Variants in TAFA1 observed in about 807,000 individuals in gnomAD.
TAFA1 encodes chemokine-like protein TAFA-1.
TAFA1 carries 4 observed loss-of-function variants against 18.5 expected under a neutral mutation model. The ratio of observed to expected loss-of-function variants is 0.22; its 90% CI spans 0.11 to 0.49. The LOEUF is 0.49. Ranked by LOEUF, TAFA1 falls within the 20% of genes least tolerant of loss-of-function variation. The probability of loss-of-function intolerance (pLI) is 0.98; values close to 1 mark genes in which losing one functional copy is unlikely to be tolerated. For synonymous variants in TAFA1, 56 were observed against 55.2 expected (o/e 1.01, Z -0.06); for missense variants, 147 against 169.0 (o/e 0.87, Z 0.72).
chr3:68,360,951 C>T (rs754824424), intron 2 of TAFA1, among the ~76,000 whole-genome samples: 49 of 151,914 alleles, frequency 3.2e-4, no homozygotes, highest in Non-Finnish European at 5.9e-4. Flanking sequence ...GTTATGATTT[C>T]GGTCTTCTGT....
intron 3 of TAFA1, among the ~76,000 whole-genome samples, chr3:68,430,537 G>A (rs2071150012): frequency 6.6e-6 from 1 of 151,930 alleles, no homozygotes; most frequent in Non-Finnish European, 1.5e-5. Context: ...GTGGGAAATT[G>A]CGTAAATTAG....
chr3:68,008,968 A>G lies in TAFA1; in HGVS notation c.118+2224A>G, dbSNP rs529247650. On this transcript the variant is annotated intron_variant, in intron 2 of 4. Coordinates refer to ENST00000478136, the MANE Select transcript of TAFA1 (RefSeq NM_213609.4). ...GTAAATATAATAAAAATAACTTCGA[A>G]TAAGTCTTTTGTAAGCTGTAAAGTT... 2.0e-5 allele frequency among the ~76,000 whole-genome samples: 3 copies of G among 152,278 alleles called. No homozygotes were observed. In the South Asian group the frequency reaches 6.2e-4, roughly 32 times the overall value.
chr3:68,054,078 T>A (rs146386490), intron 2 of TAFA1, among the ~76,000 whole-genome samples: 1 of 152,068 alleles, frequency 6.6e-6, no homozygotes, highest in African/African-American at 2.4e-5. Context: ...CCTTCACAGA[T>A]ATGAAGTTTT....
intron 2 of TAFA1, among the ~76,000 whole-genome samples, chr3:68,228,476 G>A (rs555631401): frequency 7.0e-4 from 107 of 152,202 alleles, no homozygotes; most frequent in Non-Finnish European, 1.2e-3. Context: ...AAATATTTCC[G>A]CAGAAAATAC....
At chr3:68,358,548 G>T (rs2069408212) in intron 2 of TAFA1, among the ~76,000 whole-genome samples, 1 of 151,812 alleles carries the variant, frequency 6.6e-6, no homozygotes, top group Admixed American at 6.6e-5. Context: ...CTTTTTAAAT[G>T]GTTACATATT....
intron 3 of TAFA1, among the ~76,000 whole-genome samples, chr3:68,531,499 C>T (rs115109848): frequency 5.3e-5 from 8 of 151,982 alleles, no homozygotes; most frequent in Non-Finnish European, 7.4e-5. Flanking sequence ...CTTCCTTTAG[C>T]GGGGCTGTCC....
At chr3:68,347,349 AG>A in intron 2 of TAFA1, among the ~76,000 whole-genome samples, 1 of 152,312 alleles carries the variant, frequency 6.6e-6, no homozygotes, top group African/African-American at 2.4e-5. Context: ...GGTATTCTCC[AG>A]GGCAAAGGCA....
At chr3:68,519,821 A>C (rs191700319) in intron 3 of TAFA1, among the ~76,000 whole-genome samples, 7 of 152,256 alleles carry the variant, frequency 4.6e-5, no homozygotes, top group Admixed American at 1.3e-4. Context: ...TTACCTCCCA[A>C]ACACCCTATC....
chr3:68,292,424 C>CCA (rs1553669184), intron 2 of TAFA1, among the ~76,000 whole-genome samples: 3 of 141,196 alleles, frequency 2.1e-5, no homozygotes, highest in Admixed American at 7.1e-5. Context: ...AAAAAAAAAA[C>CCA]AAAAAAAAAA....
chr3:68,011,004 G>T (rs759774861), intron 2 of TAFA1, among the ~76,000 whole-genome samples: 3 of 151,732 alleles, frequency 2.0e-5, no homozygotes, highest in Non-Finnish European at 2.9e-5. Flanking sequence ...TGTGTAACAG[G>T]TAAAAAAAGA....
Position 68,243,187 on chromosome 3 carries a change from C to T in TAFA1, c.119-174093C>T, listed in dbSNP as rs188693022. ...TCATAGGAAATTACAAAGAAATGTA[C>T]CAGGCTGTCTCATGTACTCTTTGCA... On this transcript the variant is annotated intron_variant, in intron 2 of 4. Coordinates refer to ENST00000478136, the MANE Select transcript of TAFA1 (RefSeq NM_213609.4). 5.3e-5 allele frequency among the ~76,000 whole-genome samples: 8 copies of T among 152,014 alleles called. No homozygotes were observed. The East Asian group carries it at 1.2e-3, about 22-fold the overall frequency.
At chr3:68,530,803 A>T (rs1341474089) in intron 3 of TAFA1, among the ~76,000 whole-genome samples, 1 of 152,034 alleles carries the variant, frequency 6.6e-6, no homozygotes, top group Admixed American at 6.6e-5. Flanking sequence ...TCTTGCTTGA[A>T]TTTTTTTTAA....
At chr3:68,315,917 G>A (rs1575771255) in intron 2 of TAFA1, among the ~76,000 whole-genome samples, 1 of 152,130 alleles carries the variant, frequency 6.6e-6, no homozygotes, top group East Asian at 1.9e-4. Flanking sequence ...CTGGGCAGTC[G>A]ATGAAATTCA....
intron 2 of TAFA1, among the ~76,000 whole-genome samples, chr3:68,023,807 T>C (rs1432108072): frequency 6.6e-6 from 1 of 152,174 alleles, no homozygotes; most frequent in African/African-American, 2.4e-5. Context: ...AGCTGACTTT[T>C]GAATGAATTG....
At chr3:68,015,232 A>G (rs1022788541) in intron 2 of TAFA1, among the ~76,000 whole-genome samples, 2 of 152,094 alleles carry the variant, frequency 1.3e-5, no homozygotes, top group African/African-American at 2.4e-5. Context: ...AGTTGATTCA[A>G]TAGCCTCATT....
chr3:68,322,528 C>A (rs899556175), intron 2 of TAFA1, among the ~76,000 whole-genome samples: 1 of 152,112 alleles, frequency 6.6e-6, no homozygotes, highest in Non-Finnish European at 1.5e-5. Context: ...AGTTTAGACA[C>A]GTGTTAAAAG....
chr3:68,314,450 T>C (rs1395973128), intron 2 of TAFA1, among the ~76,000 whole-genome samples: 4 of 152,192 alleles, frequency 2.6e-5, no homozygotes, highest in African/African-American at 9.7e-5. Flanking sequence ...ACACAGATTC[T>C]CCTGCTATTA....
chr3:68,275,433 G>C (rs1325055329), intron 2 of TAFA1, among the ~76,000 whole-genome samples: 1 of 151,716 alleles, frequency 6.6e-6, no homozygotes, highest in Non-Finnish European at 1.5e-5. Flanking sequence ...AAGAAGGAAA[G>C]GGGGCTTCAA....
chr3:68,489,990 T>C (rs1340580403), intron 3 of TAFA1, among the ~76,000 whole-genome samples: 1 of 152,142 alleles, frequency 6.6e-6, no homozygotes, highest in Non-Finnish European at 1.5e-5. Flanking sequence ...AACCCTTTTG[T>C]GAAACAAAAC....
Sources: allele counts gnomAD v4.1 joint callset (sites outside exome capture counted in the v4.1 genomes callset), GRCh38; gene constraint gnomAD v4.1.1; transcripts MANE v1.5; gene names NCBI Gene and HGNC (gene_info 2026-07-23, HGNC 2026-07-21).